Variants in GALNT17 observed in about 807,000 individuals in gnomAD.
The protein encoded by GALNT17 is UDP-GalNAc:polypeptide N-acetylgalactosaminyltransferase-like 3.
In GALNT17, 29 loss-of-function variants were observed where a neutral mutation model predicts 63.7. The ratio of observed to expected loss-of-function variants is 0.46; its 90% CI spans 0.34 to 0.62. The LOEUF (loss-of-function observed/expected upper bound fraction) is 0.62, where lower values mean the gene tolerates loss of function less well. Among genes scored for constraint, GALNT17 ranks in the 20% least tolerant of loss-of-function variants. The pLI is 0.01. For missense variants in GALNT17, 603 were observed against 799.6 expected (o/e 0.75, Z 2.97); for synonymous variants, 305 against 318.3 (o/e 0.96, Z 0.45).
chr7:71,615,830 A>T (rs768521502), intron 6 of GALNT17, among the ~76,000 whole-genome samples: 8 of 152,008 alleles, frequency 5.3e-5, no homozygotes, highest in Admixed American at 1.3e-4. Flanking sequence ...CTCTCCAAGG[A>T]ACTCTGAATG....
At chr7:71,479,208 A>G (rs1022073357) in intron 5 of GALNT17, among the ~76,000 whole-genome samples, 4 of 152,154 alleles carry the variant, frequency 2.6e-5, no homozygotes, top group Non-Finnish European at 4.4e-5. Flanking sequence ...TAGCTTTATA[A>G]GAAGGGCTTT....
chr7:71,239,765 G>C (rs537903495), intron 1 of GALNT17, among the ~76,000 whole-genome samples: 5 of 152,262 alleles, frequency 3.3e-5, no homozygotes, highest in African/African-American at 1.2e-4. Flanking sequence ...ACGAGGCTCT[G>C]GAAAACAGGT....
intron 3 of GALNT17, among the ~76,000 whole-genome samples, chr7:71,411,134 CT>C (rs1207407429): frequency 6.7e-6 from 1 of 149,948 alleles, no homozygotes; most frequent in Non-Finnish European, 1.5e-5. Flanking sequence ...CTTTTTTTTT[CT>C]TTTTTGAGAG....
At chr7:71,192,818 C>CT (rs1391920812) in intron 1 of GALNT17, among the ~76,000 whole-genome samples, 2 of 152,144 alleles carry the variant, frequency 1.3e-5, no homozygotes, top group Non-Finnish European at 2.9e-5. Flanking sequence ...TGTTGTCAGT[C>CT]TTTTTCCTGT....
chr7:71,688,894 G>A (rs1791401010), intron 9 of GALNT17, among the ~76,000 whole-genome samples: 1 of 152,116 alleles, frequency 6.6e-6, no homozygotes, highest in Admixed American at 6.6e-5. Flanking sequence ...AGATCGAAGG[G>A]TTGTGGCAAC....
At chr7:71,159,269 G>A (rs996349380) in intron 1 of GALNT17, among the ~76,000 whole-genome samples, 1 of 151,650 alleles carries the variant, frequency 6.6e-6, no homozygotes, top group Admixed American at 6.6e-5. Context: ...GGAAAGTGAT[G>A]TGTCGTTTCG....
In GALNT17 at chr7:71,532,732, C is replaced by T. The variant is rs374608872; in HGVS notation, c.963-38553C>T. Among the ~76,000 whole-genome samples the T allele has an allele frequency of 1.2e-3, 181 of 152,280 alleles. 2 individuals are homozygous for T. In the South Asian group the frequency reaches 0.034, roughly 28 times the overall value. On this transcript the variant is annotated intron_variant, in intron 5 of 10. Coordinates refer to ENST00000333538, the MANE Select transcript of GALNT17 (RefSeq NM_022479.3). ...CTGCTTCTTGCCCTTTCTCTGAGTT[C>T]ACTCCCATCTGCAGACCTCCAAATC...
intron 1 of GALNT17, among the ~76,000 whole-genome samples, chr7:71,212,438 T>C (rs1789398619): frequency 6.6e-6 from 1 of 152,208 alleles, no homozygotes; most frequent in African/African-American, 2.4e-5. Flanking sequence ...GCTAAGGCAG[T>C]GCAGAAGGGA....
chr7:71,486,649 A>T (rs1787914961), intron 5 of GALNT17, among the ~76,000 whole-genome samples: 1 of 151,512 alleles, frequency 6.6e-6, no homozygotes, highest in Non-Finnish European at 1.5e-5. Context: ...TGAGCCCAGC[A>T]GTTCAAGACC....
intron 1 of GALNT17, among the ~76,000 whole-genome samples, chr7:71,217,140 GTTTTGTT>G (rs1229059254): frequency 1.1e-5 from 1 of 95,216 alleles, no homozygotes; most frequent in South Asian, 3.9e-4. Context: ...ATTTTTTCGT[GTTTTGTT>G]TTTTTTTTTT....
At chr7:71,704,835 C>T (rs1322676831) in intron 9 of GALNT17, among the ~76,000 whole-genome samples, 22 of 151,676 alleles carry the variant, frequency 1.5e-4, no homozygotes, top group East Asian at 1.9e-4. Context: ...GAATTTGGAC[C>T]TCAACCTTAT....
chr7:71,435,275 T>C (rs1406027967), intron 5 of GALNT17, among the ~76,000 whole-genome samples: 1 of 152,222 alleles, frequency 6.6e-6, no homozygotes, highest in Non-Finnish European at 1.5e-5. Flanking sequence ...ATCTTCCTTC[T>C]AACCTTTAAC....
intron 5 of GALNT17, among the ~76,000 whole-genome samples, chr7:71,505,377 T>G (rs1788250351): frequency 6.6e-6 from 1 of 151,944 alleles, no homozygotes; most frequent in Non-Finnish European, 1.5e-5. Context: ...GGTGGGAGGA[T>G]CACTTGAGGC....
At chr7:71,333,876 A>G (rs1218149673) in intron 1 of GALNT17, among the ~76,000 whole-genome samples, 1 of 152,206 alleles carries the variant, frequency 6.6e-6, no homozygotes, top group Non-Finnish European at 1.5e-5. Flanking sequence ...TTGCATCACA[A>G]GTGATTTTAA....
At chr7:71,432,432 A>G (rs937992219) in intron 5 of GALNT17, among the ~76,000 whole-genome samples, 2 of 152,134 alleles carry the variant, frequency 1.3e-5, no homozygotes, top group African/African-American at 2.4e-5. Context: ...GCCCTTGCCC[A>G]CCAGAAGTTA....
intron 5 of GALNT17, among the ~76,000 whole-genome samples, chr7:71,424,727 T>G (rs1216000860): frequency 1.3e-5 from 2 of 152,210 alleles, no homozygotes; most frequent in African/African-American, 2.4e-5. Flanking sequence ...CCTTCTGAAA[T>G]TATTAAGCGG....
At chr7:71,149,392 C>A (rs927418042) in intron 1 of GALNT17, among the ~76,000 whole-genome samples, 1 of 152,134 alleles carries the variant, frequency 6.6e-6, no homozygotes, top group Non-Finnish European at 1.5e-5. Flanking sequence ...TTCTGAGTCT[C>A]CTTTGCGAAG....
At chr7:71,434,411 G>A (rs114677676) in intron 5 of GALNT17, among the ~76,000 whole-genome samples, 180 of 152,314 alleles carry the variant, frequency 1.2e-3, no homozygotes, top group African/African-American at 4.1e-3. Context: ...GTCAATTGCA[G>A]TGTGTTGTGG....
intron 7 of GALNT17, among the ~76,000 whole-genome samples, chr7:71,669,629 T>G (rs921135606): frequency 3.4e-5 from 5 of 148,444 alleles, no homozygotes; most frequent in Admixed American, 6.8e-5. Flanking sequence ...TGGCATGATC[T>G]CGGCTCACTG....
Sources: allele counts gnomAD v4.1 joint callset (sites outside exome capture counted in the v4.1 genomes callset), GRCh38; gene constraint gnomAD v4.1.1; transcripts MANE v1.5; gene names NCBI Gene and HGNC (gene_info 2026-07-23, HGNC 2026-07-21).